DET1: variants seen among roughly 807,000 people sequenced by gnomAD.
DET1 encodes the protein DET1 partner of COP1 E3 ubiquitin ligase, also known as DET1 homolog.
DET1 carries 22 observed loss-of-function variants against 43.7 expected under a neutral mutation model. The ratio of observed to expected loss-of-function variants is 0.50; its 90% CI spans 0.36 to 0.72. The LOEUF (loss-of-function observed/expected upper bound fraction) is 0.72, where lower values mean the gene tolerates loss of function less well. Among genes scored for constraint, DET1 ranks in the 30% least tolerant of loss-of-function variants. The probability of loss-of-function intolerance (pLI) is 0.00; values close to 1 mark genes in which losing one functional copy is unlikely to be tolerated. For synonymous variants in DET1, 315 were observed against 266.2 expected, an observed-to-expected ratio of 1.18 and a Z score of -1.79; for missense variants, 713 against 713.3, an observed-to-expected ratio of 1.00 and a Z score of 0.00.
intron 1 of DET1, among the ~76,000 whole-genome samples, chr15:88,539,425 G>T (rs1311828203): frequency 6.8e-6 from 1 of 146,284 alleles, no homozygotes; most frequent in Non-Finnish European, 1.5e-5. Context: ...ATCCCATCAC[G>T]GGAGGGCCCC....
At chr15:88,525,393 C>A (rs1169439848) in intron 3 of DET1, among the ~76,000 whole-genome samples, 2 of 152,172 alleles carry the variant, frequency 1.3e-5, no homozygotes. Flanking sequence ...AATATACAAC[C>A]TTTCTCCTCA....
downstream of DET1, among the ~76,000 whole-genome samples, chr15:88,509,417 A>T (rs1248846760): frequency 6.6e-6 from 1 of 152,234 alleles, no homozygotes; most frequent in Non-Finnish European, 1.5e-5. Context: ...TGTTGAAAGG[A>T]TTGCTCAGCG....
At chr15:88,543,358 A>AC (rs1369832128) in intron 1 of DET1, among the ~76,000 whole-genome samples, 1 of 152,220 alleles carries the variant, frequency 6.6e-6, no homozygotes, top group African/African-American at 2.4e-5. Context: ...TAGAGACTTT[A>AC]CTACAAAGTG....
chr15:88,540,023 C>T (rs575389427), intron 1 of DET1, among the ~76,000 whole-genome samples: 3 of 152,312 alleles, frequency 2.0e-5, no homozygotes, highest in African/African-American at 7.2e-5. Flanking sequence ...ACTCTCTCAT[C>T]TTAAAAATGA....
At chr15:88,517,514 C>T (rs2056379269) in intron 3 of DET1, among the ~76,000 whole-genome samples, 1 of 152,090 alleles carries the variant, frequency 6.6e-6, no homozygotes, top group East Asian at 1.9e-4. Flanking sequence ...ATATGAGCCA[C>T]CACACCCGGC....
At chr15:88,508,655 C>T (rs1485238206), downstream of DET1, among the ~76,000 whole-genome samples, 1 of 152,170 alleles carries the variant, frequency 6.6e-6, no homozygotes, top group Non-Finnish European at 1.5e-5. Context: ...GTATTGGCAA[C>T]ATGAAATCAC....
intron 1 of DET1, chr15:88,536,439 A>C (rs148453587): frequency 1.5e-6 from 1 of 684,828 alleles, no homozygotes; most frequent in Non-Finnish European, 2.7e-6. Flanking sequence ...ATGGAGCAAC[A>C]ATTGGTATGA....
rs1481866048 is a variant in DET1 at position 88,531,029 on chromosome 15, T to C, written c.677A>G (p.Lys226Arg). 1 of 1,613,610 alleles carries C rather than the reference T, an allele frequency of 6.2e-7. No individual in the cohort carries two copies. The highest frequency in any genetic ancestry group is 2.2e-5 in the East Asian group (1 of 44,882). Residue 226 changes from lysine (K) to arginine (R), a missense_variant, in exon 2 of 5, where the codon AAA becomes AGA. Coordinates refer to ENST00000268148, the MANE Select transcript of DET1 (RefSeq NM_001144074.3). This position sits in a 1 kb window ranked among gnomAD's most constrained non-coding sequence, Gnocchi z 6.2. ...CACAGACAAGATGGCCAGGATGTTT[T>C]TGTACAAGTACAGCCCTTGGTTGTG... Reference protein sequence around the residue: ...LSHNQGLYLYKNILAILSVQQ... With the variant: ...LSHNQGLYLYRNILAILSVQQ...
downstream of DET1, chr15:88,511,730 AT>A: frequency 5.0e-6 from 2 of 402,010 alleles, no homozygotes; most frequent in Non-Finnish European, 6.7e-6. Context: ...AGGAGACTGA[AT>A]TTAGCTACTC....
chr15:88,515,140 G>A (rs923360983), intron 4 of DET1, among the ~76,000 whole-genome samples: 40 of 152,248 alleles, frequency 2.6e-4, no homozygotes, highest in African/African-American at 4.3e-4. Context: ...TCCCAGGGAT[G>A]TAACAAGCAA....
At chr15:88,533,852 TAAAAA>T (rs368408722) in intron 1 of DET1, among the ~76,000 whole-genome samples, 2 of 39,220 alleles carry the variant, frequency 5.1e-5, no homozygotes, top group South Asian at 2.7e-3. Flanking sequence ...ACCCAATCTC[TAAAAA>T]AAAAAAAAAA....
Position 88,530,942 on chromosome 15 carries a change from G to C in DET1, c.764C>G (p.Thr255Ser), listed in dbSNP as rs1213379444. 4 of 1,613,998 alleles carry C rather than the reference G, an allele frequency of 2.5e-6. No homozygotes were observed. Among genetic ancestry groups the C allele is most frequent in the Non-Finnish European group, 3.4e-6 (4 of 1,179,896 alleles). ...ATCCTCATAGCAAAAGCGGCCAATG[G>C]TCCGCACATCAATGAAAGTGCCTTC... ...TPEGTFIDVRTIGRFCYEDDL... is the reference protein window; with the variant it reads ...TPEGTFIDVRSIGRFCYEDDL... The change falls in exon 2 of 5, where the codon ACC becomes AGC. Residue 255 changes from threonine to serine, a missense_variant. Physicochemically the swap from Thr to Ser is moderately conservative, Grantham distance 58. Coordinates refer to ENST00000268148, the MANE Select transcript of DET1 (RefSeq NM_001144074.3).
chr15:88,544,633 AC>A (rs1487312928), intron 1 of DET1, among the ~76,000 whole-genome samples: 1 of 152,070 alleles, frequency 6.6e-6, no homozygotes, highest in Non-Finnish European at 1.5e-5. Context: ...AAGACTTCAC[AC>A]CGTCATCCTC....
chr15:88,536,248 G>A (rs914653081), intron 1 of DET1: 1 of 731,268 alleles, frequency 1.4e-6, no homozygotes. Flanking sequence ...CTGCCCACAT[G>A]AATTTACTGA....
At position 88,512,732 on chromosome 15, in the gene DET1, G is replaced by C; in HGVS notation, c.*219C>G. The C allele has an allele frequency of 7.9e-7, 1 of 1,267,720 alleles. No homozygotes were observed. The highest frequency in any genetic ancestry group is 9.9e-7 in the Non-Finnish European group (1 of 1,008,074). The allele number at this position is 1,267,720 out of a possible 1,614,324, so 78.5% of individuals were successfully genotyped here. ...TGCTGGGCATTCCCACAGGGAAAAC[G>C]CAAGAGGATATTATAACAATCAGTA... On this transcript the variant is annotated 3_prime_UTR_variant, in exon 5 of 5. Transcript: ENST00000268148.
chr15:88,503,970 G>A (rs896101464), exon 8 of DET1: 1 of 149,932 alleles, frequency 6.7e-6, no homozygotes, highest in African/African-American at 2.5e-5. Context: ...ACTCCAGCCT[G>A]GGCAACAGAA....
At chr15:88,515,664 TA>T (rs1314046833) in intron 4 of DET1, among the ~76,000 whole-genome samples, 4 of 147,370 alleles carry the variant, frequency 2.7e-5, no homozygotes, top group Non-Finnish European at 4.5e-5. Context: ...CAGGGATACA[TA>T]AAAACTGACT....
downstream of DET1, among the ~76,000 whole-genome samples, chr15:88,508,011 C>T (rs562027580): frequency 6.6e-6 from 1 of 152,198 alleles, no homozygotes; most frequent in African/African-American, 2.4e-5. Flanking sequence ...CTCATAAGAG[C>T]GCAAACCGTA....
chr15:88,539,864 G>T (rs991607326), intron 1 of DET1, among the ~76,000 whole-genome samples: 2 of 152,186 alleles, frequency 1.3e-5, no homozygotes, highest in East Asian at 3.8e-4. Flanking sequence ...CCGGTGGTGG[G>T]TTCAAAACAG....
Sources: allele counts gnomAD v4.1 joint callset (sites outside exome capture counted in the v4.1 genomes callset), GRCh38; gene constraint gnomAD v4.1.1; non-coding constraint Gnocchi (gnomAD v3.1); transcripts MANE v1.5; gene names NCBI Gene and HGNC (gene_info 2026-07-23, HGNC 2026-07-21).